Variants in ERBB4 observed in about 807,000 individuals in gnomAD.
ERBB4 encodes the protein receptor tyrosine-protein kinase erbB-4.
ERBB4 carries 42 observed loss-of-function variants against 158.0 expected under a neutral mutation model. The observed-to-expected ratio is 0.27, with a 90% CI of 0.21 to 0.34. The LOEUF (loss-of-function observed/expected upper bound fraction) is 0.34. ERBB4 is among the 10% of genes least tolerant of loss of function. The pLI is 1.00. For missense variants in ERBB4, 1,333 were observed against 1,624.1 expected (o/e 0.82, Z 3.08); for synonymous variants, 583 against 558.7 (o/e 1.04, Z -0.61).
At chr2:212,167,936 T>C (rs2081397600) in intron 1 of ERBB4, among the ~76,000 whole-genome samples, 1 of 151,708 alleles carries the variant, frequency 6.6e-6, no homozygotes. Flanking sequence ...CCAGGGCCTG[T>C]TGGGGTGTGG....
At chr2:211,874,998 T>C (rs1465480800) in intron 3 of ERBB4, among the ~76,000 whole-genome samples, 1 of 139,838 alleles carries the variant, frequency 7.2e-6, no homozygotes, top group Non-Finnish European at 1.5e-5. Flanking sequence ...AGCTAAGGCT[T>C]GTATTGTCAT....
At chr2:212,165,561 T>C (rs1413299349) in intron 1 of ERBB4, among the ~76,000 whole-genome samples, 2 of 152,050 alleles carry the variant, frequency 1.3e-5, no homozygotes, top group African/African-American at 4.8e-5. Context: ...CTAAGAAAGC[T>C]TTTTTCTTTT....
intron 19 of ERBB4, among the ~76,000 whole-genome samples, chr2:211,614,623 G>A (rs1574860069): frequency 6.6e-6 from 1 of 152,038 alleles, no homozygotes; most frequent in East Asian, 1.9e-4. Context: ...GTTACTATGT[G>A]AAGCCATACA....
intron 2 of ERBB4, among the ~76,000 whole-genome samples, chr2:212,091,136 A>G (rs2078762303): frequency 6.6e-6 from 1 of 152,140 alleles, no homozygotes; most frequent in Non-Finnish European, 1.5e-5. Flanking sequence ...CAGAATGTGA[A>G]AAATAATGGC....
chr2:212,257,557 G>A (rs1468894752), intron 1 of ERBB4, among the ~76,000 whole-genome samples: 1 of 151,990 alleles, frequency 6.6e-6, no homozygotes, highest in Non-Finnish European at 1.5e-5. Flanking sequence ...CTGAAAGACA[G>A]CTTTTATCCA....
chr2:211,846,885 A>C (rs964281684), intron 3 of ERBB4, among the ~76,000 whole-genome samples: 2 of 152,128 alleles, frequency 1.3e-5, no homozygotes, highest in Non-Finnish European at 2.9e-5. Context: ...ATAGCATTCA[A>C]CTGTAACAAT....
intron 1 of ERBB4, among the ~76,000 whole-genome samples, chr2:212,192,106 TTA>T (rs1304531010): frequency 7.4e-6 from 1 of 134,658 alleles, no homozygotes; most frequent in African/African-American, 2.7e-5. Flanking sequence ...AAGTTATATA[TTA>T]TATATTATAT....
intron 1 of ERBB4, among the ~76,000 whole-genome samples, chr2:212,272,180 G>C (rs1486532700): frequency 1.3e-5 from 2 of 151,506 alleles, no homozygotes; most frequent in Non-Finnish European, 3.0e-5. Flanking sequence ...ATATCTGCCT[G>C]TATATTCTAA....
At chr2:211,840,707 C>T (rs2077451580) in intron 3 of ERBB4, among the ~76,000 whole-genome samples, 1 of 152,080 alleles carries the variant, frequency 6.6e-6, no homozygotes, top group African/African-American at 2.4e-5. Context: ...CCAATCCAAT[C>T]AGACAAGAAG....
chr2:211,879,393 T>C (rs1212411539), intron 3 of ERBB4, among the ~76,000 whole-genome samples: 1 of 152,146 alleles, frequency 6.6e-6, no homozygotes, highest in African/African-American at 2.4e-5. Context: ...GCAATGAACA[T>C]TACCAAATAA....
intron 1 of ERBB4, among the ~76,000 whole-genome samples, chr2:212,443,321 C>T (rs1372965097): frequency 6.6e-6 from 1 of 152,172 alleles, no homozygotes; most frequent in Non-Finnish European, 1.5e-5. Context: ...AAATAGCAAA[C>T]ACACTGAACT....
chr2:212,428,488 G>A (rs2091961137), intron 1 of ERBB4, among the ~76,000 whole-genome samples: 1 of 151,850 alleles, frequency 6.6e-6, no homozygotes, highest in Non-Finnish European at 1.5e-5. Context: ...GAACCAAAGG[G>A]TGAAATGATA....
intron 2 of ERBB4, among the ~76,000 whole-genome samples, chr2:212,123,133 G>A (rs1362128325): frequency 6.6e-6 from 1 of 152,174 alleles, no homozygotes; most frequent in Non-Finnish European, 1.5e-5. Flanking sequence ...CGGGCGCGGT[G>A]GCTCACGCCT....
chr2:211,855,179 T>G (rs2077824898), intron 3 of ERBB4, among the ~76,000 whole-genome samples: 1 of 152,176 alleles, frequency 6.6e-6, no homozygotes, highest in African/African-American at 2.4e-5. Flanking sequence ...ATTTTGCACA[T>G]TTTTTATTGA....
Position 211,947,760 on chromosome 2 carries a change from T to A in ERBB4, c.235-144A>T, listed in dbSNP as rs1216821628. The A allele has an allele frequency of 8.6e-6, 6 of 696,098 alleles. No homozygotes were observed. In the East Asian group the frequency reaches 1.1e-4, roughly 13 times the overall value. The allele number at this position is 696,098 out of a possible 1,614,324, so 43.1% of individuals were successfully genotyped here. The stretch of plus-strand genomic sequence containing the variant: ...ATTTTCCATATCATATTCTAAAGAA[T>A]TGGCTTCATAATAAAAGATCACAAA... On this transcript the variant is annotated intron_variant, in intron 2 of 27. Transcript: ENST00000342788.
intron 2 of ERBB4, among the ~76,000 whole-genome samples, chr2:211,976,638 T>A (rs2081614376): frequency 6.6e-6 from 1 of 152,084 alleles, no homozygotes; most frequent in Admixed American, 6.5e-5. Context: ...CCCTGCTATT[T>A]GCTCTTTTCT....
intron 1 of ERBB4, among the ~76,000 whole-genome samples, chr2:212,321,227 T>C (rs2087554786): frequency 6.6e-6 from 1 of 150,564 alleles, no homozygotes; most frequent in Admixed American, 6.6e-5. Flanking sequence ...ATTAATGCCT[T>C]ATAAAGTGTA....
intron 7 of ERBB4, among the ~76,000 whole-genome samples, chr2:211,721,336 A>T (rs564448356): frequency 6.6e-6 from 1 of 151,314 alleles, no homozygotes; most frequent in African/African-American, 2.4e-5. Context: ...AAGTCACATT[A>T]TATGTATAGC....
At chr2:212,191,806 T>G (rs2082242246) in intron 1 of ERBB4, among the ~76,000 whole-genome samples, 1 of 141,698 alleles carries the variant, frequency 7.1e-6, no homozygotes, top group Admixed American at 7.2e-5. Context: ...ATGTTATATA[T>G]AATACATGTT....
Sources: allele counts gnomAD v4.1 joint callset (sites outside exome capture counted in the v4.1 genomes callset), GRCh38; gene constraint gnomAD v4.1.1; transcripts MANE v1.5; gene names NCBI Gene and HGNC (gene_info 2026-07-23, HGNC 2026-07-21).